Variants in SIL1 observed in about 807,000 individuals in gnomAD.
The protein encoded by SIL1 is nucleotide exchange factor SIL1.
SIL1 carries 40 observed loss-of-function variants against 49.1 expected under a neutral mutation model. That is an observed-to-expected ratio of 0.81 (90% CI 0.63 to 1.06). The LOEUF (loss-of-function observed/expected upper bound fraction) is 1.06. Ranked by LOEUF, SIL1 falls within the 50% of genes least tolerant of loss-of-function variation. SIL1 has a pLI of 0.00. For synonymous variants in SIL1, 253 were observed against 250.8 expected (o/e 1.01, Z -0.08); for missense variants, 500 against 572.6 (o/e 0.87, Z 1.29).
intron 3 of SIL1, among the ~76,000 whole-genome samples, chr5:139,066,543 T>C (rs1769710254): frequency 6.6e-6 from 1 of 152,150 alleles, no homozygotes. Context: ...CAATCTCTAG[T>C]GCCTTGCTTA....
chr5:139,036,719 G>C (rs868134821), intron 5 of SIL1, among the ~76,000 whole-genome samples: 1 of 152,076 alleles, frequency 6.6e-6, no homozygotes, highest in African/African-American at 2.4e-5. Context: ...AATAGGGAGG[G>C]GATCAGGAAA....
chr5:139,150,457 T>C (rs1277029940), intron 1 of SIL1, among the ~76,000 whole-genome samples: 1 of 152,122 alleles, frequency 6.6e-6, no homozygotes, highest in Non-Finnish European at 1.5e-5. Context: ...CTACTAAATA[T>C]GTCCCTCCCC....
rs570052032 is a variant in SIL1 at position 139,188,014 on chromosome 5, G to A, written c.-11+10255C>T. The A allele has an allele frequency of 6.5e-5, 10 of 153,000 alleles. No individual in the cohort carries two copies. In the South Asian group the frequency reaches 1.6e-3, roughly 25 times the overall value. The allele number at this position is 153,000 out of a possible 1,614,324, so 9.5% of individuals were successfully genotyped here. ...CTTCCCCTTCGCCTTCCGCCATGAT[G>A]GTAAGTTTCCTGAGGCCTTCCCAGA... On this transcript the variant is annotated intron_variant, in intron 1 of 9. Coordinates refer to ENST00000394817, the MANE Select transcript of SIL1 (RefSeq NM_022464.5).
At chr5:138,999,187 G>A (rs1005801030) in intron 7 of SIL1, among the ~76,000 whole-genome samples, 1 of 152,052 alleles carries the variant, frequency 6.6e-6, no homozygotes, top group Non-Finnish European at 1.5e-5. Context: ...AGATTTGGAG[G>A]GGACAAATAT....
At chr5:139,153,740 T>C (rs1404288635) in intron 1 of SIL1, among the ~76,000 whole-genome samples, 1 of 152,160 alleles carries the variant, frequency 6.6e-6, no homozygotes, top group African/African-American at 2.4e-5. Flanking sequence ...CCCTCCTGCC[T>C]TCTAAGAGAA....
intron 1 of SIL1, among the ~76,000 whole-genome samples, chr5:139,160,730 T>C (rs1174051149): frequency 2.0e-5 from 3 of 152,048 alleles, no homozygotes; most frequent in Non-Finnish European, 4.4e-5. Flanking sequence ...CTCAGGAGGC[T>C]GAGACAGGAG....
At chr5:139,011,864 CT>C (rs1346548702) in intron 7 of SIL1, among the ~76,000 whole-genome samples, 6 of 152,130 alleles carry the variant, frequency 3.9e-5, no homozygotes, top group Non-Finnish European at 1.5e-5. Context: ...TAAAAAAAAC[CT>C]TTTCCCATGG....
intron 3 of SIL1, among the ~76,000 whole-genome samples, chr5:139,086,187 C>A (rs1049186317): frequency 6.7e-6 from 1 of 149,922 alleles, no homozygotes; most frequent in Non-Finnish European, 1.5e-5. Flanking sequence ...GCAGGAGGAT[C>A]CCTTGAATCT....
intron 1 of SIL1, among the ~76,000 whole-genome samples, chr5:139,160,623 G>A (rs1463836596): frequency 2.6e-5 from 4 of 152,176 alleles, no homozygotes; most frequent in East Asian, 1.9e-4. Context: ...CAGACCACCT[G>A]AGGTTAGGAG....
At chr5:139,152,750 G>A (rs184600021) in intron 1 of SIL1, among the ~76,000 whole-genome samples, 7 of 152,052 alleles carry the variant, frequency 4.6e-5, no homozygotes, top group Admixed American at 4.6e-4. Flanking sequence ...CAGAATAAAG[G>A]CCAAATTCCA....
chr5:139,096,171 C>T (rs1024422952), intron 3 of SIL1, among the ~76,000 whole-genome samples: 3 of 152,196 alleles, frequency 2.0e-5, no homozygotes, highest in Non-Finnish European at 2.9e-5. Flanking sequence ...GAACTCCACA[C>T]TGTCCTATTA....
intron 2 of SIL1, among the ~76,000 whole-genome samples, chr5:139,123,063 G>A (rs189505688): frequency 3.3e-5 from 5 of 152,246 alleles, no homozygotes; most frequent in Non-Finnish European, 7.4e-5. Flanking sequence ...GGTACATGGT[G>A]GCTGCTACTA....
intron 3 of SIL1, among the ~76,000 whole-genome samples, chr5:139,081,888 A>AC: frequency 6.6e-6 from 1 of 152,184 alleles, no homozygotes; most frequent in South Asian, 2.1e-4. Flanking sequence ...TAAAAAAAAA[A>AC]AACAAAAAAA....
chr5:139,153,041 C>T (rs1284506000), intron 1 of SIL1, among the ~76,000 whole-genome samples: 1 of 152,198 alleles, frequency 6.6e-6, no homozygotes, highest in Non-Finnish European at 1.5e-5. Context: ...TGGTCTTGAA[C>T]TCCTGACCTT....
chr5:139,183,751 G>A (rs1752032545), intron 1 of SIL1, among the ~76,000 whole-genome samples: 1 of 152,202 alleles, frequency 6.6e-6, no homozygotes, highest in Admixed American at 6.5e-5. Context: ...TGTATGGTAA[G>A]AAGGGTCTCC....
chr5:139,142,274 C>T (rs1297954139), intron 1 of SIL1, among the ~76,000 whole-genome samples: 1 of 152,158 alleles, frequency 6.6e-6, no homozygotes, highest in East Asian at 1.9e-4. Flanking sequence ...AGAAGGGAAA[C>T]ACTTCCTAAT....
chr5:138,970,276 G>T (rs190457491), intron 7 of SIL1, among the ~76,000 whole-genome samples: 1 of 152,196 alleles, frequency 6.6e-6, no homozygotes, highest in Non-Finnish European at 1.5e-5. Flanking sequence ...GATGGTGAGG[G>T]TACAGTTACC....
chr5:139,120,456 A>C (rs1750601878), intron 3 of SIL1, among the ~76,000 whole-genome samples: 2 of 152,208 alleles, frequency 1.3e-5, no homozygotes, highest in South Asian at 4.1e-4. Context: ...CGAAGCACCT[A>C]GTACAGTACC....
At chr5:139,078,374 A>G (rs1369509273) in intron 3 of SIL1, among the ~76,000 whole-genome samples, 1 of 152,186 alleles carries the variant, frequency 6.6e-6, no homozygotes, top group African/African-American at 2.4e-5. Context: ...TTTCAAAGGA[A>G]TTTAAAAAAA....
Sources: gnomAD v4.1 joint callset for allele counts (sites outside exome capture counted in the v4.1 genomes callset) on GRCh38, gnomAD v4.1.1 for gene constraint, MANE v1.5 for transcripts, NCBI Gene and HGNC (gene_info 2026-07-23, HGNC 2026-07-21) for gene names.